Variants in HPS4 observed in about 807,000 individuals in gnomAD.
The protein encoded by HPS4 is BLOC-3 complex member HPS4.
In HPS4, 44 loss-of-function variants were observed where a neutral mutation model predicts 70.3. That is an observed-to-expected ratio of 0.63 (90% confidence interval 0.49 to 0.80). HPS4 has a LOEUF of 0.80. HPS4 is among the 30% of genes least tolerant of loss of function. The pLI is 0.00. For missense variants in HPS4, 873 were observed against 884.4 expected (o/e 0.99, Z 0.16); for synonymous variants, 377 against 355.9 (o/e 1.06, Z -0.67).
Position 26,464,304 on chromosome 22 carries a change from CT to C in HPS4, c.1325del (p.Gln442ArgfsTer33). ...EMLTQHGAQE[Q>X]LEDHPGHSSQ... ...TGCTATGGCCAGGATGGTCTTCGAGCTGCTCTTGGGCTCCATGCTGGGTCAG... is the reference window on the plus strand; with the variant it reads ...TGCTATGGCCAGGATGGTCTTCGAGCGCTCTTGGGCTCCATGCTGGGTCAG... On this transcript the variant is annotated frameshift_variant, in exon 11 of 14. Coordinates refer to ENST00000398145, the MANE Select transcript of HPS4 (RefSeq NM_022081.6). LOFTEE classifies it high-confidence loss of function. The C allele has an allele frequency of 6.2e-7, 1 of 1,614,070 alleles. No individual in the cohort carries two copies. Among genetic ancestry groups the C allele is most frequent in the Non-Finnish European group, 8.5e-7 (1 of 1,180,028 alleles).
intron 11 of HPS4, among the ~76,000 whole-genome samples, chr22:26,460,973 G>T (rs988436440): frequency 2.0e-5 from 3 of 152,252 alleles, no homozygotes; most frequent in African/African-American, 7.2e-5. Context: ...GCTGTGCAAA[G>T]CTGAAAATAT....
chr22:26,458,100 A>C, intron 12 of HPS4, 133 bp from the exon 13 acceptor site: 1 of 808,260 alleles, frequency 1.2e-6, no homozygotes, highest in Non-Finnish European at 2.1e-6. Context: ...GGCAGAGACA[A>C]AGGCCCGGGG....
chr22:26,451,155 A>G lies in HPS4; in HGVS notation c.*2078T>C, dbSNP rs757502636. 1.3e-5 allele frequency among the ~76,000 whole-genome samples: 2 copies of G among 152,212 alleles called. No individual in the cohort carries two copies. The highest frequency in any genetic ancestry group is 2.9e-5 in the Non-Finnish European group (2 of 68,048). Reference sequence around the variant, plus strand: ...CTGCCTTCCCTTGGGAAACATGGCCATAAGAGGTTGTGGTGCCCATTCCAG... The same window carrying G: ...CTGCCTTCCCTTGGGAAACATGGCCGTAAGAGGTTGTGGTGCCCATTCCAG... On this transcript the variant is annotated 3_prime_UTR_variant, in exon 14 of 14. Coordinates refer to ENST00000398145, the MANE Select transcript of HPS4 (RefSeq NM_022081.6).
chr22:26,482,443 A>G (rs1391540300), intron 1 of HPS4, among the ~76,000 whole-genome samples: 1 of 152,174 alleles, frequency 6.6e-6, no homozygotes, highest in African/African-American at 2.4e-5. Flanking sequence ...CACAAGCTTC[A>G]CGGAAGATAA....
intron 4 of HPS4, chr22:26,475,383 G>A (rs1406523142): frequency 1.8e-5 from 2 of 108,876 alleles, no homozygotes; most frequent in African/African-American, 3.6e-5. Flanking sequence ...ATGGAGTTTC[G>A]CTTTTGTTGC....
Position 26,453,397 on chromosome 22 carries a change from A to C in HPS4, c.1963T>G (p.Ser655Ala). Residue 655 changes from serine (S) to alanine (A), a missense_variant, in exon 14 of 14, where the codon TCC (serine) becomes GCC (alanine). Physicochemically the swap from Ser to Ala is moderately conservative, Grantham distance 99. Transcript: ENST00000398145. ...TTGCAACAGGCGTACACAGCCGTGGAGGCATTTCTGTTGGAGGAAGAAAGA... is the reference window on the plus strand; with the variant it reads ...TTGCAACAGGCGTACACAGCCGTGGCGGCATTTCTGTTGGAGGAAGAAAGA... ...ALYEMTVRNA[S>A]TAVYACCNPI... 1 of 1,613,976 alleles carries C rather than the reference A, an allele frequency of 6.2e-7. No homozygotes were observed. Among genetic ancestry groups the C allele is most frequent in the Non-Finnish European group, 8.5e-7 (1 of 1,180,036 alleles).
chr22:26,461,443 C>T (rs2087248588), intron 11 of HPS4, among the ~76,000 whole-genome samples: 1 of 152,066 alleles, frequency 6.6e-6, no homozygotes, highest in African/African-American at 2.4e-5. Context: ...GAATTCCAGC[C>T]CCAATCCCAA....
In HPS4 at chr22:26,453,424, G is replaced by A. The variant is rs921242818; in HGVS notation, c.1956-20C>T. 6.2e-7 allele frequency: 1 copy of A among 1,612,946 alleles called. No homozygotes were observed. Among genetic ancestry groups the A allele is most frequent in the Non-Finnish European group, 8.5e-7 (1 of 1,179,926 alleles). On this transcript the variant is annotated intron_variant, in intron 13 of 13. Transcript: ENST00000398145. ...GCATTTCTGTTGGAGGAAGAAAGAA[G>A]GCAACGGTCCAATGCTGCTGGTGCT... is the stretch of plus-strand genomic sequence containing the variant.
Position 26,451,074 on chromosome 22 carries a change from T to C in HPS4, c.*2159A>G, listed in dbSNP as rs1205329871. Reference sequence around the variant, plus strand: ...ACTAGAATCTGTGGTCCTGGATCACTGACAGTGGCACTCGGTGTCAACTAG... The same window carrying C: ...ACTAGAATCTGTGGTCCTGGATCACCGACAGTGGCACTCGGTGTCAACTAG... On this transcript the variant is annotated 3_prime_UTR_variant, in exon 14 of 14. Transcript: ENST00000398145. 6.6e-6 allele frequency among the ~76,000 whole-genome samples: 1 copy of C among 152,188 alleles called. No homozygotes were observed. The highest frequency in any genetic ancestry group is 1.5e-5 in the Non-Finnish European group (1 of 68,030).
In HPS4 at chr22:26,458,631, T is replaced by C. The variant is rs1405154850; in HGVS notation, c.1714-54A>G. On this transcript the variant is annotated intron_variant, in intron 11 of 13. Coordinates refer to ENST00000398145, the MANE Select transcript of HPS4 (RefSeq NM_022081.6). The stretch of plus-strand genomic sequence containing the variant: ...GTAGGGCTGACCTCAGCAAGCCTTC[T>C]GAGGGCTAGTTAACCACAGACTTAG... 8.1e-6 allele frequency: 13 copies of C among 1,606,512 alleles called. No individual in the cohort carries two copies. The African/African-American group carries it at 1.7e-4, about 22-fold the overall frequency.
In HPS4 at chr22:26,466,209, T is replaced by C; in HGVS notation, c.706+17A>G. ...GACCGCCGTTCTCAAGAGGCAACCATGCGCCTCACTACTTACCATGTTCCT... is the reference window on the plus strand; with the variant it reads ...GACCGCCGTTCTCAAGAGGCAACCACGCGCCTCACTACTTACCATGTTCCT... On this transcript the variant is annotated intron_variant, in intron 9 of 13. Transcript: ENST00000398145. 3.1e-6 allele frequency: 5 copies of C among 1,614,144 alleles called. No homozygotes were observed. Among genetic ancestry groups the C allele is most frequent in the Non-Finnish European group, 4.2e-6 (5 of 1,179,972 alleles).
At chr22:26,462,128 A>AG (rs1295280744) in intron 11 of HPS4, among the ~76,000 whole-genome samples, 16 of 4,042 alleles carry the variant, frequency 4.0e-3, no homozygotes, top group Admixed American at 0.015. Context: ...CTCCATCTCA[A>AG]AAAAAAAAAA....
intron 11 of HPS4, among the ~76,000 whole-genome samples, chr22:26,462,855 T>C (rs957421337): frequency 4.6e-5 from 7 of 152,152 alleles, no homozygotes; most frequent in Admixed American, 2.0e-4. Flanking sequence ...AACTCAGTGA[T>C]CCAGCGTCTG....
exon 4 of HPS4, chr22:26,444,617 T>C (rs766415101): frequency 6.6e-6 from 1 of 152,174 alleles, no homozygotes; most frequent in African/African-American, 2.4e-5. Flanking sequence ...GAGGAGTGGT[T>C]TGGAATATAC....
chr22:26,447,792 T>C (rs562177464), downstream of HPS4, among the ~76,000 whole-genome samples: 27 of 152,014 alleles, frequency 1.8e-4, no homozygotes, highest in African/African-American at 6.5e-4. Flanking sequence ...CACACAGGGA[T>C]TGGTTTACTT....
chr22:26,465,454 C>G lies in HPS4; in HGVS notation c.803+1G>C. The G allele has an allele frequency of 1.2e-6, 2 of 1,606,988 alleles. No individual in the cohort carries two copies. The highest frequency in any genetic ancestry group is 2.2e-5 in the South Asian group (2 of 90,904). On this transcript the variant is annotated splice_donor_variant, in intron 10 of 13. Coordinates refer to ENST00000398145, the MANE Select transcript of HPS4 (RefSeq NM_022081.6). LOFTEE classifies it high-confidence loss of function. ...GGTTAACTCTCTGTGCACTCCATTA[C>G]CTTGTCATCTGTTCCACCGGGAACT...
At chr22:26,480,885 T>A (rs568373622) in intron 2 of HPS4, among the ~76,000 whole-genome samples, 12 of 152,240 alleles carry the variant, frequency 7.9e-5, no homozygotes, top group Non-Finnish European at 1.3e-4. Context: ...GCCACTGCAC[T>A]CTGGCCTGGA....
chr22:26,463,158 C>A (rs144334329), intron 11 of HPS4, among the ~76,000 whole-genome samples: 1 of 152,192 alleles, frequency 6.6e-6, no homozygotes, highest in Admixed American at 6.5e-5. Flanking sequence ...ACTATAGCAA[C>A]GAATCTCCAG....
chr22:26,465,507 T>A lies in HPS4; in HGVS notation c.751A>T (p.Thr251Ser), dbSNP rs34962745. The change falls in exon 10 of 14, where the codon ACC (threonine) becomes TCC (serine). Residue 251 changes from threonine (T) to serine (S), a missense_variant. Thr to Ser is a moderately conservative substitution (Grantham distance 58). Transcript: ENST00000398145. The part of the protein sequence containing the change: ...PNVQIIPVFV[T>S]KEEAISLHEF... ...TGGAGACTAATGGCTTCCTCTTTGG[T>A]CACAAAAACAGGGATAATCTGGACA... 14,919 of 1,613,952 alleles carry A rather than the reference T, an allele frequency of 9.2e-3. 92 individuals carry two copies. The highest frequency in any genetic ancestry group is 0.013 in the Middle Eastern group (81 of 6,062).
Sources: allele counts gnomAD v4.1 joint callset (sites outside exome capture counted in the v4.1 genomes callset), GRCh38; gene constraint gnomAD v4.1.1; transcripts MANE v1.5; gene names NCBI Gene and HGNC (gene_info 2026-07-23, HGNC 2026-07-21).